Variants in KIF27 observed in about 807,000 individuals in gnomAD.
The protein encoded by KIF27 is kinesin-like protein KIF27.
Under a neutral mutation model 141.8 loss-of-function variants are expected in KIF27, and 84 were observed. The ratio of observed to expected loss-of-function variants is 0.59; its 90% confidence interval spans 0.50 to 0.71. KIF27 has a LOEUF of 0.71. Among genes scored for constraint, KIF27 ranks in the 30% least tolerant of loss-of-function variants. The pLI, the probability that KIF27 is intolerant of heterozygous loss-of-function variation, is 0.00. For missense variants in KIF27, 1,306 were observed against 1,628.4 expected, an observed-to-expected ratio of 0.80 and a Z score of 3.41; for synonymous variants, 471 against 569.5, an observed-to-expected ratio of 0.83 and a Z score of 2.46.
chr9:83,852,205 G>A (rs1184940113), intron 15 of KIF27, among the ~76,000 whole-genome samples: 2 of 151,538 alleles, frequency 1.3e-5, no homozygotes, highest in African/African-American at 4.9e-5. Context: ...CAGCACTTTG[G>A]GAGGCCGAGG....
chr9:83,841,173 C>T (rs1399072005), intron 17 of KIF27, among the ~76,000 whole-genome samples: 2 of 152,110 alleles, frequency 1.3e-5, no homozygotes, highest in South Asian at 2.1e-4. Flanking sequence ...CGGGTTCAAG[C>T]GATTCTCCTG....
At chr9:83,892,280 T>C (rs1243768012) in intron 5 of KIF27, among the ~76,000 whole-genome samples, 2 of 152,068 alleles carry the variant, frequency 1.3e-5, no homozygotes, top group African/African-American at 2.4e-5. Flanking sequence ...TGCTGAGCAA[T>C]AAAAATGCAA....
intron 16 of KIF27, among the ~76,000 whole-genome samples, chr9:83,843,754 C>T (rs149734759): frequency 4.1e-4 from 63 of 152,106 alleles, no homozygotes; most frequent in African/African-American, 1.4e-3. Flanking sequence ...AGCATCTCAC[C>T]CTGTTGCCCA....
At chr9:83,837,615 A>G (rs1266986065) in intron 17 of KIF27, 130 bp from the exon 18 acceptor site, 3 of 833,194 alleles carry the variant, frequency 3.6e-6, no homozygotes, top group East Asian at 2.7e-5. Context: ...TTTTTGTTAA[A>G]TGACTTATTT....
At chr9:83,860,755 G>C (rs1431326443) in intron 13 of KIF27, among the ~76,000 whole-genome samples, 1 of 152,036 alleles carries the variant, frequency 6.6e-6, no homozygotes, top group Non-Finnish European at 1.5e-5. Context: ...TCTTCCCTTT[G>C]GTATTTCCTG....
intron 9 of KIF27, among the ~76,000 whole-genome samples, chr9:83,885,949 G>GTTT (rs371251143): frequency 1.4e-5 from 2 of 146,862 alleles, no homozygotes; most frequent in African/African-American, 5.0e-5. Flanking sequence ...TTTTTGTGTT[G>GTTT]TTTTTTTTTT....
intron 9 of KIF27, among the ~76,000 whole-genome samples, chr9:83,884,478 C>T (rs1253125936): frequency 6.6e-6 from 1 of 152,112 alleles, no homozygotes; most frequent in Non-Finnish European, 1.5e-5. Flanking sequence ...ACCGCCATCA[C>T]CCAGATTTAA....
At chr9:83,852,174 G>A (rs1267252368) in intron 15 of KIF27, among the ~76,000 whole-genome samples, 1 of 141,570 alleles carries the variant, frequency 7.1e-6, no homozygotes, top group African/African-American at 2.6e-5. Flanking sequence ...GCCTGGGCGC[G>A]GTGGCTCACG....
At chr9:83,916,976 T>A (rs1174213115) in intron 1 of KIF27, among the ~76,000 whole-genome samples, 1 of 152,030 alleles carries the variant, frequency 6.6e-6, no homozygotes, top group Non-Finnish European at 1.5e-5. Flanking sequence ...CACTCTTTTT[T>A]TTTTAAATAT....
intron 9 of KIF27, among the ~76,000 whole-genome samples, chr9:83,884,636 T>C (rs1459047565): frequency 6.6e-6 from 1 of 152,154 alleles, no homozygotes; most frequent in African/African-American, 2.4e-5. Flanking sequence ...CATACTGCAA[T>C]CGGCATTCAC....
intron 16 of KIF27, among the ~76,000 whole-genome samples, chr9:83,848,472 A>G (rs1193117112): frequency 7.0e-6 from 1 of 142,556 alleles, no homozygotes; most frequent in Admixed American, 7.2e-5. Context: ...ATCTATATGT[A>G]TATATACATA....
intron 16 of KIF27, among the ~76,000 whole-genome samples, chr9:83,843,915 G>A (rs1174382178): frequency 6.6e-6 from 1 of 152,130 alleles, no homozygotes; most frequent in African/African-American, 2.4e-5. Flanking sequence ...GGTAGAGATG[G>A]TGTGATGGTT....
At chr9:83,854,655 C>A (rs185604993) in intron 14 of KIF27, among the ~76,000 whole-genome samples, 6 of 152,168 alleles carry the variant, frequency 3.9e-5, no homozygotes, top group African/African-American at 1.4e-4. Context: ...CCTACCTTGC[C>A]GTCCTGAGTA....
intron 1 of KIF27, among the ~76,000 whole-genome samples, chr9:83,920,788 G>A (rs111405599): frequency 0.034 from 5,170 of 152,076 alleles, 299 homozygotes; most frequent in African/African-American, 0.12. Flanking sequence ...TCCGAGGGAG[G>A]GAGCTCTCGG....
intron 17 of KIF27, among the ~76,000 whole-genome samples, chr9:83,841,315 C>G (rs1946535561): frequency 6.6e-6 from 1 of 152,200 alleles, no homozygotes; most frequent in Non-Finnish European, 1.5e-5. Context: ...CGGTGATCCA[C>G]CCGCCTTGGC....
chr9:83,869,604 G>C, intron 12 of KIF27, among the ~76,000 whole-genome samples: 1 of 152,136 alleles, frequency 6.6e-6, no homozygotes, highest in East Asian at 1.9e-4. Context: ...GTGGGCACCT[G>C]TGGTCCCAGC....
At position 83,839,912 on chromosome 9, in the gene KIF27, C is replaced by G. The variant is rs185935138; in HGVS notation, c.3721+2325G>C. ...GAGCTGAGATAGCACCACTGCACTC[C>G]AGCCTGGGTAACAAGAGTGAAACTC... On this transcript the variant is annotated intron_variant, in intron 17 of 17. Coordinates refer to ENST00000297814, the MANE Select transcript of KIF27 (RefSeq NM_017576.4). Among the ~76,000 whole-genome samples, 709 of 152,294 alleles carry G rather than the reference C, an allele frequency of 4.7e-3. 3 individuals are homozygous for G. The highest frequency in any genetic ancestry group is 0.016 in the African/African-American group (676 of 41,564).
intron 1 of KIF27, among the ~76,000 whole-genome samples, chr9:83,917,491 A>G (rs1011531448): frequency 6.6e-6 from 1 of 152,222 alleles, no homozygotes; most frequent in African/African-American, 2.4e-5. Context: ...AACTCAAGAG[A>G]CAGAGAATAA....
In KIF27 at chr9:83,865,367, G is replaced by A. The variant is rs145241564; in HGVS notation, c.2934+2317C>T. ...GACTGGAGTGCAATGGCATGGTCTC[G>A]GCTCACTGCAACCTCTGCCTCTCAG... On this transcript the variant is annotated intron_variant, in intron 13 of 17. Coordinates refer to ENST00000297814, the MANE Select transcript of KIF27 (RefSeq NM_017576.4). Among the ~76,000 whole-genome samples the A allele has an allele frequency of 6.9e-3, 1,042 of 151,914 alleles. 9 individuals are homozygous for A. Among genetic ancestry groups the A allele is most frequent in the Non-Finnish European group, 0.01 (697 of 67,962 alleles).
Sources: allele counts gnomAD v4.1 joint callset (sites outside exome capture counted in the v4.1 genomes callset), GRCh38; gene constraint gnomAD v4.1.1; transcripts MANE v1.5; gene names NCBI Gene and HGNC (gene_info 2026-07-23, HGNC 2026-07-21).